Variants in CREB3L4 observed in about 807,000 individuals in gnomAD.
CREB3L4 encodes the protein cyclic AMP-responsive element-binding protein 3-like protein 4.
In CREB3L4, 28 loss-of-function variants were observed where a neutral mutation model predicts 37.0. The observed-to-expected ratio is 0.76, with a 90% CI of 0.56 to 1.04. CREB3L4 has a LOEUF of 1.04. CREB3L4 is among the 50% of genes least tolerant of loss of function. CREB3L4 has a pLI of 0.00. For missense variants in CREB3L4, 462 were observed against 486.0 expected, an observed-to-expected ratio of 0.95 and a Z score of 0.46; for synonymous variants, 175 against 192.2, an observed-to-expected ratio of 0.91 and a Z score of 0.74.
At chr1:153,970,092 C>T (rs1182720784) in intron 4 of CREB3L4, among the ~76,000 whole-genome samples, 1 of 152,034 alleles carries the variant, frequency 6.6e-6, no homozygotes, top group Non-Finnish European at 1.5e-5. Flanking sequence ...CCATGCCTGG[C>T]TAATTTTTGT....
At chr1:153,969,583 C>T (rs1648145260) in intron 4 of CREB3L4, 128 bp downstream of exon 4, 5 of 1,062,426 alleles carry the variant, frequency 4.7e-6, no homozygotes, top group African/African-American at 1.6e-5. Context: ...GGCATTGGGC[C>T]TGAAGACCAA....
At position 153,973,695 on chromosome 1, in the gene CREB3L4, G is replaced by C. The variant is rs1648634116; in HGVS notation, c.973G>C (p.Glu325Gln). The change falls in exon 9 of 10, where the codon GAG (glutamate) becomes CAG (glutamine). Residue 325 changes from glutamate to glutamine, a missense_variant. Glu to Gln is a conservative substitution (Grantham distance 29, BLOSUM62 2). Coordinates refer to ENST00000368607, the MANE Select transcript of CREB3L4 (RefSeq NM_001255978.2). Reference sequence around the variant, plus strand: ...CCAGAGTCGACCAGAAGCTGGGTCTGAGGATTACCAGCCTCACGGAGGTGA... The same window carrying C: ...CCAGAGTCGACCAGAAGCTGGGTCTCAGGATTACCAGCCTCACGGAGGTGA... ...PFQSRPEAGS[E>Q]DYQPHGVTSR... The C allele has an allele frequency of 3.0e-5, 48 of 1,604,606 alleles. No homozygotes were observed. The highest frequency in any genetic ancestry group is 3.9e-5 in the Non-Finnish European group (46 of 1,175,002).
chr1:153,973,325 C>T (rs1648586985), intron 7 of CREB3L4, 55 bp from the exon 8 acceptor site: 1 of 1,609,556 alleles, frequency 6.2e-7, no homozygotes, highest in South Asian at 1.1e-5. Context: ...ACAGGGGTGC[C>T]ATTCTTGGCC....
At chr1:153,968,472 C>G in intron 1 of CREB3L4, 50 bp from the exon 2 acceptor site, 1 of 1,557,328 alleles carries the variant, frequency 6.4e-7, no homozygotes, top group Non-Finnish European at 8.8e-7. Context: ...GGGTAGTAAG[C>G]AGCCATCATT....
chr1:153,973,855 T>A lies in CREB3L4; in HGVS notation c.995-17T>A, dbSNP rs1257164561. The stretch of plus-strand genomic sequence containing the variant: ...AGGGGAGCACTCTACTACTGCCCTC[T>A]TGCCTTCACCTCACAGTGACTTCCA... On this transcript the variant is annotated splice_polypyrimidine_tract_variant and intron_variant, in intron 9 of 9. Coordinates refer to ENST00000368607, the MANE Select transcript of CREB3L4 (RefSeq NM_001255978.2). 2 of 1,613,232 alleles carry A rather than the reference T, an allele frequency of 1.2e-6. No individual in the cohort carries two copies. The highest frequency in any genetic ancestry group is 2.2e-5 in the South Asian group (2 of 91,024).
At chr1:153,968,425 A>C (rs1647974521) in intron 1 of CREB3L4, 97 bp from the exon 2 acceptor site, 5 of 1,074,400 alleles carry the variant, frequency 4.7e-6, no homozygotes, top group Non-Finnish European at 6.7e-6. Context: ...GGGCGGGGAT[A>C]ATGGAAAAGG....
Position 153,973,473 on chromosome 1 carries a change from A to T in CREB3L4, c.897+9A>T. The T allele has an allele frequency of 6.2e-7, 1 of 1,612,002 alleles. No homozygotes were observed. Among genetic ancestry groups the T allele is most frequent in the Non-Finnish European group, 8.5e-7 (1 of 1,178,126 alleles). ...CCAGCACTTGTGTTTTGGTACCATT[A>T]GTCTATCTACTCCCATCTCCCCCCA... On this transcript the variant is annotated intron_variant, in intron 8 of 9. Transcript: ENST00000368607.
At position 153,972,780 on chromosome 1, in the gene CREB3L4, A is replaced by T; in HGVS notation, c.580A>T (p.Lys194Ter). 1 of 1,613,762 alleles carries T rather than the reference A, an allele frequency of 6.2e-7. No homozygotes were observed. The highest frequency in any genetic ancestry group is 8.5e-7 in the Non-Finnish European group (1 of 1,179,946). ...AACCCTGTTCCTGACCGATGAGGAG[A>T]AGCGTCTGCTGGGGCAGGAAGGGGT... is the stretch of plus-strand genomic sequence containing the variant. Reference protein sequence around the residue: ...CQTLFLTDEEKRLLGQEGVSL... With the variant: ...CQTLFLTDEE Residue 194 changes from lysine to a stop codon, truncating the protein, a stop_gained, in exon 5 of 10, where the codon AAG becomes TAG. Coordinates refer to ENST00000368607, the MANE Select transcript of CREB3L4 (RefSeq NM_001255978.2). LOFTEE classifies it high-confidence loss of function.
At chr1:153,970,739 C>CTTTTTTTTTTTTT (rs35553007) in intron 4 of CREB3L4, among the ~76,000 whole-genome samples, 1 of 87,152 alleles carries the variant, frequency 1.1e-5, no homozygotes, top group Non-Finnish European at 2.1e-5. Flanking sequence ...ATCTTAGAAT[C>CTTTTTTTTTTTTT]TTTTTTTTTT....
intron 9 of CREB3L4, 34 bp downstream of exon 9, chr1:153,973,750 G>A (rs775885067): frequency 4.8e-5 from 74 of 1,556,598 alleles, no homozygotes; most frequent in Non-Finnish European, 6.4e-5. Flanking sequence ...ACCCCTGGCT[G>A]AGCAAGGGAG....
intron 4 of CREB3L4, among the ~76,000 whole-genome samples, 165 bp from the exon 5 acceptor site, chr1:153,972,579 C>A (rs755910755): frequency 3.9e-5 from 6 of 152,068 alleles, no homozygotes; most frequent in Non-Finnish European, 7.4e-5. Flanking sequence ...TGATCTAGAG[C>A]CTGTCTGAAT....
In CREB3L4 at chr1:153,973,210, T is replaced by C. The variant is rs1648569822; in HGVS notation, c.759T>C (p.Ser253=). 6.2e-7 allele frequency: 1 copy of C among 1,614,124 alleles called. No individual in the cohort carries two copies. Among genetic ancestry groups the C allele is most frequent in the Non-Finnish European group, 8.5e-7 (1 of 1,180,036 alleles). ...TACATTCTAGGGTGGCAGCCTGTTC[T>C]GCACAGAACCAAGAATTACAGAAAA... ...DGLESRVAAC[S]AQNQELQKKV... Residue 253 remains serine (S), a synonymous_variant, in exon 7 of 10, where the codon TCT becomes TCC. Transcript: ENST00000368607.
At chr1:153,971,469 A>C (rs1023131628) in intron 4 of CREB3L4, among the ~76,000 whole-genome samples, 1 of 150,638 alleles carries the variant, frequency 6.6e-6, no homozygotes, top group Non-Finnish European at 1.5e-5. Context: ...CAGTCTCACT[A>C]TGTTGCCCAG....
rs1170426913 is a variant in CREB3L4, at chr1:153,968,515, C to A, written c.-4-7C>A. ...TGCAACCCTCCGTCCCACACGCCTT[C>A]CTGCAGAAGCATGGATCTCGGAATC... On this transcript the variant is annotated splice_region_variant and splice_polypyrimidine_tract_variant and intron_variant, in intron 1 of 9. Coordinates refer to ENST00000368607, the MANE Select transcript of CREB3L4 (RefSeq NM_001255978.2). 4.3e-6 allele frequency: 7 copies of A among 1,611,158 alleles called. No homozygotes were observed. Among genetic ancestry groups the A allele is most frequent in the Middle Eastern group, 1.8e-4 (1 of 5,456 alleles).
intron 2 of CREB3L4, 83 bp from the exon 3 acceptor site, chr1:153,968,847 G>A: frequency 6.5e-7 from 1 of 1,530,036 alleles, no homozygotes. Context: ...CCCAAGAAGT[G>A]AAAGGACTGA....
chr1:153,969,519 A>G (rs1648137433), intron 4 of CREB3L4, 64 bp downstream of exon 4: 8 of 1,576,568 alleles, frequency 5.1e-6, no homozygotes, highest in Non-Finnish European at 6.9e-6. Flanking sequence ...CAGACAGAGC[A>G]AAGGGATGAG....
chr1:153,970,226 C>T (rs907939611), intron 4 of CREB3L4, among the ~76,000 whole-genome samples: 2 of 152,066 alleles, frequency 1.3e-5, no homozygotes, highest in African/African-American at 4.8e-5. Context: ...CACGCCTGGC[C>T]CAACATGAAC....
At chr1:153,971,160 G>C (rs1648331172) in intron 4 of CREB3L4, among the ~76,000 whole-genome samples, 1 of 149,548 alleles carries the variant, frequency 6.7e-6, no homozygotes, top group African/African-American at 2.4e-5. Context: ...ACGAGGTCAG[G>C]AGTTCGAGAC....
At chr1:153,972,868 C>T (rs764917885) in intron 5 of CREB3L4, 32 bp downstream of exon 5, 1 of 1,605,200 alleles carries the variant, frequency 6.2e-7, no homozygotes, top group Non-Finnish European at 8.5e-7. Context: ...TATCCCAACC[C>T]AGGGGCCTCA....
Sources: allele counts gnomAD v4.1 joint callset (sites outside exome capture counted in the v4.1 genomes callset), GRCh38; gene constraint gnomAD v4.1.1; transcripts MANE v1.5; gene names NCBI Gene and HGNC (gene_info 2026-07-23, HGNC 2026-07-21).